Variants in AAMDC observed in about 807,000 individuals in gnomAD.
The protein encoded by AAMDC is adipogenesis associated Mth938 domain containing.
AAMDC carries 16 observed loss-of-function variants against 15.5 expected under a neutral mutation model. That is an observed-to-expected ratio of 1.03 (90% CI 0.70 to 1.57). The LOEUF is 1.57. Among genes scored for constraint, AAMDC ranks in the 40% most tolerant of loss-of-function variants. AAMDC has a pLI of 0.00. For missense variants in AAMDC, 141 were observed against 144.9 expected (o/e 0.97, Z 0.14); for synonymous variants, 51 against 51.6 (o/e 0.99, Z 0.05).
downstream of AAMDC, among the ~76,000 whole-genome samples, chr11:77,875,468 T>C (rs1275226049): frequency 6.6e-6 from 1 of 152,160 alleles, no homozygotes; most frequent in Non-Finnish European, 1.5e-5. Context: ...TTTGGAAGAA[T>C]GGGAAGAACT....
At position 77,896,984 on chromosome 11, in the gene AAMDC, C is replaced by T. The variant is rs192111808; in HGVS notation, c.329-3587C>T. 1.9e-3 allele frequency among the ~76,000 whole-genome samples: 291 copies of T among 151,612 alleles called. 3 individuals carry two copies. Among genetic ancestry groups the T allele is most frequent in the African/African-American group, 6.9e-3 (284 of 41,006 alleles). On this transcript the variant is annotated intron_variant, in intron 5 of 5. Transcript: ENST00000304716. ...GCTGTAGGGAAGAGAACCAGACTGA[C>T]ATAAAACATTCAACTGTAACATTAA...
At chr11:77,835,146 A>G (rs568099204) in intron 1 of AAMDC, among the ~76,000 whole-genome samples, 2 of 152,364 alleles carry the variant, frequency 1.3e-5, no homozygotes, top group South Asian at 4.1e-4. Context: ...GAGTGTGACC[A>G]CATGACTGTA....
At chr11:77,824,427 TA>T (rs933914646) in intron 1 of AAMDC, among the ~76,000 whole-genome samples, 36 of 152,312 alleles carry the variant, frequency 2.4e-4, no homozygotes, top group African/African-American at 7.2e-4. Context: ...CATGTCCTAT[TA>T]GGGGGAAATA....
At chr11:77,845,474 C>T (rs893852138) in intron 2 of AAMDC, among the ~76,000 whole-genome samples, 4 of 151,866 alleles carry the variant, frequency 2.6e-5, no homozygotes, top group African/African-American at 7.3e-5. Flanking sequence ...TCTGTCACCA[C>T]AGCTGGAGTG....
At chr11:77,853,907 C>T (rs1017343117) in intron 2 of AAMDC, among the ~76,000 whole-genome samples, 1 of 151,824 alleles carries the variant, frequency 6.6e-6, no homozygotes, top group Non-Finnish European at 1.5e-5. Flanking sequence ...CACCACTGTA[C>T]TCCAGCCTGA....
chr11:77,821,558 A>T (rs1177088617), intron 1 of AAMDC, among the ~76,000 whole-genome samples: 1 of 151,976 alleles, frequency 6.6e-6, no homozygotes. Context: ...CTGGGAGAAG[A>T]GGATCTGAGG....
In AAMDC at chr11:77,890,223, G is replaced by T. The variant is rs146958398; in HGVS notation, c.329-10348G>T. On this transcript the variant is annotated intron_variant, in intron 5 of 5. Coordinates refer to the AAMDC transcript ENST00000304716. ...CTAGCTCAGAACTAGTTCTCTGCAG[G>T]TCTCATAATTTTTAATAATTCCTGC... 8.5e-3 allele frequency among the ~76,000 whole-genome samples: 1,289 copies of T among 152,248 alleles called. 19 individuals carry two copies. Among genetic ancestry groups the T allele is most frequent in the African/African-American group, 0.028 (1,177 of 41,538 alleles).
intron 2 of AAMDC, among the ~76,000 whole-genome samples, chr11:77,865,643 G>A (rs1951076145): frequency 6.6e-6 from 1 of 152,178 alleles, no homozygotes; most frequent in African/African-American, 2.4e-5. Flanking sequence ...AATGGATTTT[G>A]AAAGAACAAC....
chr11:77,846,789 G>A (rs889414858), intron 2 of AAMDC, among the ~76,000 whole-genome samples: 1 of 152,104 alleles, frequency 6.6e-6, no homozygotes. Flanking sequence ...TGTCTGAAAA[G>A]GTCCTTGTTT....
chr11:77,898,965 A>T (rs1952653124), intron 5 of AAMDC, among the ~76,000 whole-genome samples: 1 of 152,246 alleles, frequency 6.6e-6, no homozygotes, highest in South Asian at 2.1e-4. Flanking sequence ...GGTTGCAGTG[A>T]GTTGAGATCG....
intron 1 of AAMDC, among the ~76,000 whole-genome samples, chr11:77,826,265 G>C (rs1949167659): frequency 6.6e-6 from 1 of 152,030 alleles, no homozygotes; most frequent in South Asian, 2.1e-4. Context: ...GGGAGGCTGA[G>C]GCAGGAGAAT....
chr11:77,833,567 T>G (rs987062806), intron 1 of AAMDC, among the ~76,000 whole-genome samples: 1 of 152,174 alleles, frequency 6.6e-6, no homozygotes, highest in Non-Finnish European at 1.5e-5. Context: ...TTACCTCCTG[T>G]TGTGCAGCCC....
chr11:77,891,604 G>T, intron 5 of AAMDC: 1 of 1,582,154 alleles, frequency 6.3e-7, no homozygotes, highest in South Asian at 1.2e-5. Context: ...TGCTCCACTG[G>T]TCAAAGAAGA....
chr11:77,878,514 A>G lies in AAMDC; in HGVS notation c.328+1465A>G, dbSNP rs117399070. ...TCAGCAACTGTCAATGGTAAAAAAAAAAAGTACAGCTGTTAAAGCGGCCTT... is the reference window on the plus strand; with the variant it reads ...TCAGCAACTGTCAATGGTAAAAAAAGAAAGTACAGCTGTTAAAGCGGCCTT... On this transcript the variant is annotated intron_variant, in intron 5 of 5. Coordinates refer to the AAMDC transcript ENST00000304716. Among the ~76,000 whole-genome samples the G allele has an allele frequency of 3.9e-4, 59 of 152,354 alleles. No homozygotes were observed. In the East Asian group the frequency reaches 0.011, roughly 28 times the overall value.
At chr11:77,889,369 G>C (rs1014593407) in intron 5 of AAMDC, among the ~76,000 whole-genome samples, 4 of 149,876 alleles carry the variant, frequency 2.7e-5, no homozygotes, top group Admixed American at 1.3e-4. Context: ...ACACAGGAAG[G>C]GGAACATCAC....
chr11:77,883,774 G>A, intron 5 of AAMDC: 33 of 1,584,846 alleles, frequency 2.1e-5, no homozygotes, highest in Non-Finnish European at 2.8e-5. Context: ...AAACGCTTAA[G>A]GGTAGGTGTG....
intron 5 of AAMDC, among the ~76,000 whole-genome samples, chr11:77,892,121 T>C (rs1473837216): frequency 6.6e-6 from 1 of 152,224 alleles, no homozygotes; most frequent in Non-Finnish European, 1.5e-5. Flanking sequence ...CATTAGAATT[T>C]TTATTTTCGT....
Position 77,841,012 on chromosome 11 carries a change from C to T in AAMDC, c.-18-1467C>T, listed in dbSNP as rs538933124. Reference sequence around the variant, plus strand: ...ATTTATAATGAAAATAATTTTTTTTCTCACAGTTCTGGAGGCTGGGAAGTC... The same window carrying T: ...ATTTATAATGAAAATAATTTTTTTTTTCACAGTTCTGGAGGCTGGGAAGTC... On this transcript the variant is annotated intron_variant, in intron 1 of 3. Coordinates refer to ENST00000393427, the MANE Select transcript of AAMDC (RefSeq NM_024684.4). 27 of 517,480 alleles carry T rather than the reference C, an allele frequency of 5.2e-5. No homozygotes were observed. In the East Asian group the frequency reaches 7.1e-4, roughly 14 times the overall value. 32.1% of individuals were successfully genotyped at this position (517,480 alleles called of 1,614,324 possible).
At chr11:77,829,841 G>GA (rs1466721526) in intron 1 of AAMDC, 7 of 152,302 alleles carry the variant, frequency 4.6e-5, no homozygotes, top group Admixed American at 1.3e-4. Flanking sequence ...GCTTAAGAAA[G>GA]AAAATCAAGT....
Sources: allele counts gnomAD v4.1 joint callset (sites outside exome capture counted in the v4.1 genomes callset), GRCh38; gene constraint gnomAD v4.1.1; transcripts MANE v1.5; gene names NCBI Gene and HGNC (gene_info 2026-07-23, HGNC 2026-07-21).